Variants in PRDM15 observed in about 807,000 individuals in gnomAD.
The protein encoded by PRDM15 is PR/SET domain 15, also known as PR domain zinc finger protein 15.
PRDM15 carries 64 observed loss-of-function variants against 128.6 expected under a neutral mutation model. The observed-to-expected ratio is 0.50, with a 90% CI of 0.41 to 0.61. PRDM15 has a LOEUF of 0.61. PRDM15 is among the 20% of genes least tolerant of loss of function. The pLI is 0.00. For missense variants in PRDM15, 1,242 were observed against 1,569.1 expected (o/e 0.79, Z 3.52); for synonymous variants, 615 against 621.8 (o/e 0.99, Z 0.16).
intron 22 of PRDM15, chr21:41,803,259 C>A (rs1459049048): frequency 2.8e-6 from 1 of 354,496 alleles, no homozygotes; most frequent in Non-Finnish European, 5.3e-6. Flanking sequence ...GCTGCTAGAG[C>A]AAGGCTGAAA....
chr21:41,840,349 G>A (rs1300311403), intron 6 of PRDM15, among the ~76,000 whole-genome samples: 1 of 151,534 alleles, frequency 6.6e-6, no homozygotes, highest in African/African-American at 2.4e-5. Flanking sequence ...GGGAGGCTGA[G>A]GCAGAAGAAC....
Position 41,821,986 on chromosome 21 carries a change from C to T in PRDM15, c.1813G>A (p.Gly605Arg). ...TCATCGTTTTCTTCCGAGGAGATCC[C>T]GATCTTGCCGATAAACTCTTCCCTC... is the stretch of plus-strand genomic sequence containing the variant. The part of the protein sequence containing the change: ...HQREEFIGKI[G>R]ISSEENDDNS... Residue 605 changes from glycine (G) to arginine (R), a missense_variant, in exon 15 of 24, where the codon GGG becomes AGG. This residue lies in a region of PRDM15 where 602 missense variants were observed against 788.3 expected (regional missense o/e 0.76). Transcript: ENST00000398548. The surrounding 1 kb of genome is among the most constrained non-coding windows in gnomAD (Gnocchi z 5.4). 1.2e-6 allele frequency: 2 copies of T among 1,614,186 alleles called. No individual in the cohort carries two copies. Among genetic ancestry groups the T allele is most frequent in the Non-Finnish European group, 8.5e-7 (1 of 1,180,036 alleles).
intron 22 of PRDM15, among the ~76,000 whole-genome samples, chr21:41,803,919 A>G (rs989385154): frequency 3.3e-5 from 5 of 151,294 alleles, no homozygotes; most frequent in Admixed American, 3.3e-4. Flanking sequence ...TCTAATTGGT[A>G]TGTTTAAACT....
rs1025993534 is a variant in PRDM15 at position 41,811,124 on chromosome 21, A to G, written c.2393-288T>C. On this transcript the variant is annotated intron_variant, in intron 19 of 23. Coordinates refer to ENST00000398548, the MANE Select transcript of PRDM15 (RefSeq NM_001040424.3). The surrounding 1 kb of genome is among the most constrained non-coding windows in gnomAD (Gnocchi z 4.1). ...GGAACCCACATGTGGACAAGCAGAAAAACGATAGGAATTTCTTTAAAGCAT... is the reference window on the plus strand; with the variant it reads ...GGAACCCACATGTGGACAAGCAGAAGAACGATAGGAATTTCTTTAAAGCAT... The G allele has an allele frequency of 5.0e-5, 20 of 402,962 alleles. No individual in the cohort carries two copies. The highest frequency in any genetic ancestry group is 2.5e-4 in the Admixed American group (7 of 28,374). The allele number at this position is 402,962 out of a possible 1,614,324, so 25.0% of individuals were successfully genotyped here. A position where few individuals can be genotyped will look rare whatever the true frequency, so the allele number is the denominator to read the frequency against.
chr21:41,842,379 A>G (rs1355665382), intron 6 of PRDM15, among the ~76,000 whole-genome samples: 1 of 152,230 alleles, frequency 6.6e-6, no homozygotes, highest in Admixed American at 6.5e-5. Context: ...CTTCTCCACA[A>G]TCTCACCAAC....
intron 12 of PRDM15, among the ~76,000 whole-genome samples, chr21:41,827,168 T>C (rs1381845785): frequency 6.6e-6 from 1 of 152,154 alleles, no homozygotes. Flanking sequence ...CGAGAGGCCC[T>C]AAGTATACCA....
intron 1 of PRDM15, among the ~76,000 whole-genome samples, chr21:41,874,393 G>A (rs1416973092): frequency 6.6e-6 from 1 of 151,852 alleles, no homozygotes. Flanking sequence ...AGTTGAGGCG[G>A]CCTGCTCAGA....
intron 16 of PRDM15, 123 bp downstream of exon 16, chr21:41,820,944 C>G: frequency 7.7e-7 from 1 of 1,300,066 alleles, no homozygotes; most frequent in Non-Finnish European, 1.1e-6. Context: ...AGCTCTGGCC[C>G]TGAGACCCAG....
chr21:41,839,133 C>T (rs1030780423), intron 7 of PRDM15, among the ~76,000 whole-genome samples: 39 of 152,194 alleles, frequency 2.6e-4, no homozygotes, highest in Non-Finnish European at 2.6e-4. Flanking sequence ...GAGCCCTAGA[C>T]AGGTCCTGGG....
intron 1 of PRDM15, chr21:41,861,518 T>G (rs762599739): frequency 6.7e-7 from 1 of 1,484,156 alleles, no homozygotes; most frequent in Admixed American, 1.8e-5. Flanking sequence ...TGCCACCAAA[T>G]GATTATTCCT....
intron 14 of PRDM15, among the ~76,000 whole-genome samples, chr21:41,822,402 C>A (rs552116571): frequency 1.3e-5 from 2 of 152,340 alleles, no homozygotes; most frequent in East Asian, 3.9e-4. Flanking sequence ...CTTTATCACA[C>A]CCCAAGTCCT....
chr21:41,826,761 G>A (rs749840229), intron 12 of PRDM15, among the ~76,000 whole-genome samples: 14 of 152,152 alleles, frequency 9.2e-5, no homozygotes, highest in African/African-American at 1.7e-4. Context: ...CAAACGGACC[G>A]TTCTCCAAAG....
Position 41,835,493 on chromosome 21 carries a change from G to A in PRDM15, c.1310C>T (p.Thr437Ile). The change falls in exon 11 of 24, where the codon ACT becomes ATT. Residue 437 changes from threonine (T) to isoleucine (I), a missense_variant. Transcript: ENST00000398548. ...CTCGATGCGGAAGGTCTTCTCACAA[G>A]TGCCGCAGCGGTACCTGTACTCGCC... ...VDGEYRYRCG[T>I]CEKTFRIESA... The A allele has an allele frequency of 6.2e-7, 1 of 1,610,482 alleles. No homozygotes were observed. Among genetic ancestry groups the A allele is most frequent in the Non-Finnish European group, 8.5e-7 (1 of 1,179,806 alleles).
Position 41,821,193 on chromosome 21 carries a change from A to C in PRDM15, c.1934T>G (p.Ile645Ser), listed in dbSNP as rs145111294. ...FGRGKEYLKHIMEVHKEKGYG... is the reference protein window; with the variant it reads ...FGRGKEYLKHSMEVHKEKGYG... ...GCCCTTCTCCTTGTGCACCTCCATG[A>C]TGTGCTTCAGGTACTCCTTCCCCCG... is the stretch of plus-strand genomic sequence containing the variant. Residue 645 changes from isoleucine to serine, a missense_variant, in exon 16 of 24, where the codon ATC (isoleucine) becomes AGC (serine). Around this residue, in one of 3 missense-constraint regions of PRDM15, gnomAD observed 602 missense variants for 788.3 expected, o/e 0.76. Transcript: ENST00000398548. This position sits in a 1 kb window ranked among gnomAD's most constrained non-coding sequence, Gnocchi z 5.4. 1 of 1,613,896 alleles carries C rather than the reference A, an allele frequency of 6.2e-7. No individual in the cohort carries two copies. Among genetic ancestry groups the C allele is most frequent in the African/African-American group, 1.3e-5 (1 of 74,864 alleles).
intron 1 of PRDM15, chr21:41,867,505 G>A (rs1311983651): frequency 7.2e-6 from 5 of 693,528 alleles, no homozygotes; most frequent in African/African-American, 3.6e-5. Context: ...TTTCACAGGC[G>A]TGAACATAGC....
At chr21:41,815,914 C>A in intron 18 of PRDM15, 78 bp from the exon 19 acceptor site, 5 of 1,575,274 alleles carry the variant, frequency 3.2e-6, no homozygotes, top group Non-Finnish European at 4.3e-6. Context: ...GACCCTGGGG[C>A]AGGCACAGGC....
At chr21:41,823,279 C>T (rs896802794) in intron 14 of PRDM15, 39 bp downstream of exon 14, 21 of 1,599,862 alleles carry the variant, frequency 1.3e-5, no homozygotes, top group East Asian at 4.5e-5. Flanking sequence ...GGGGGCCTGC[C>T]GTGAGCATGC....
intron 11 of PRDM15, 117 bp downstream of exon 11, chr21:41,835,320 G>T: frequency 1.2e-6 from 1 of 819,164 alleles, no homozygotes; most frequent in Admixed American, 1.9e-5. Flanking sequence ...TGTTAAAAGT[G>T]AGGCTGTCTA....
In PRDM15 at chr21:41,815,936, C is replaced by T. The variant is rs189533533; in HGVS notation, c.2261-100G>A. On this transcript the variant is annotated intron_variant, in intron 18 of 23. Coordinates refer to ENST00000398548, the MANE Select transcript of PRDM15 (RefSeq NM_001040424.3). ...GGGCAGGCACAGGCAGCGGCCCGTG[C>T]GGTACTGGTGAGGGTGTGGGCCGGC... 3,373 of 1,478,730 alleles carry T rather than the reference C, an allele frequency of 2.3e-3. 58 individuals carry two copies. In the African/African-American group the frequency reaches 0.04, roughly 17 times the overall value. 91.6% of individuals were successfully genotyped at this position (1,478,730 alleles called of 1,614,324 possible).
Sources: gnomAD v4.1 joint callset for allele counts (sites outside exome capture counted in the v4.1 genomes callset) on GRCh38, gnomAD v4.1.1 for gene constraint, gnomAD v4.1.1 regional missense constraint, Gnocchi (gnomAD v3.1) non-coding constraint, MANE v1.5 for transcripts, NCBI Gene and HGNC (gene_info 2026-07-23, HGNC 2026-07-21) for gene names.